P4HA1: variants seen among roughly 807,000 people sequenced by gnomAD.
P4HA1 encodes prolyl 4-hydroxylase subunit alpha 1, also known as prolyl 4-hydroxylase subunit alpha-1.
P4HA1 carries 24 observed loss-of-function variants against 72.8 expected under a neutral mutation model. The observed-to-expected ratio is 0.33, with a 90% CI of 0.24 to 0.46. The LOEUF is 0.46. P4HA1 is among the 20% of genes least tolerant of loss of function. The probability of loss-of-function intolerance (pLI) is 1.00; values close to 1 mark genes in which losing one functional copy is unlikely to be tolerated. For synonymous variants in P4HA1, 201 were observed against 218.8 expected (o/e 0.92, Z 0.72); for missense variants, 446 against 640.6 (o/e 0.70, Z 3.28).
chr10:73,010,024 A>G, intron 13 of P4HA1, 121 bp from the exon 14 acceptor site: 2 of 586,892 alleles, frequency 3.4e-6, no homozygotes, highest in Admixed American at 5.2e-5. Context: ...GCTGGAGTGC[A>G]ATGGCACGAT....
At chr10:73,027,821 GGA>G (rs1204819227) in intron 10 of P4HA1, among the ~76,000 whole-genome samples, 43 of 133,804 alleles carry the variant, frequency 3.2e-4, no homozygotes, top group Admixed American at 2.0e-3. Context: ...AGGAAGGAAG[GGA>G]GAGAGAGAGG....
rs1430452824 is a variant in P4HA1 at position 73,058,118 on chromosome 10, AAG to A, written c.464-4530_464-4529del. On this transcript the variant is annotated intron_variant, in intron 5 of 14. Coordinates refer to ENST00000394890, the MANE Select transcript of P4HA1 (RefSeq NM_001017962.3). ...AAAAAAAAAAAAAAAAAAAAAAAAA[AAG>A]GTGAATAAAGACAACATTGATAGGG... Among the ~76,000 whole-genome samples, 526 of 135,842 alleles carry A rather than the reference AAG, an allele frequency of 3.9e-3. 44 individuals are homozygous for A. The highest frequency in any genetic ancestry group is 0.017 in the African/African-American group (496 of 28,950). The allele number at this position is 135,842 out of a possible 152,430, so 89.1% of individuals were successfully genotyped here. A position where few individuals can be genotyped will look rare whatever the true frequency, so the allele number is the denominator to read the frequency against.
At chr10:73,093,166 C>T (rs962938979) in intron 1 of P4HA1, among the ~76,000 whole-genome samples, 1 of 149,882 alleles carries the variant, frequency 6.7e-6, no homozygotes, top group African/African-American at 2.5e-5. Flanking sequence ...GTACTAATTC[C>T]ACATAATATT....
At chr10:73,047,499 G>GA (rs1183615450) in intron 7 of P4HA1, among the ~76,000 whole-genome samples, 59 of 26,260 alleles carry the variant, frequency 2.2e-3, no homozygotes, top group Admixed American at 6.3e-3. Context: ...GTTTCTAGAA[G>GA]AAAAAAAAAA....
intron 1 of P4HA1, among the ~76,000 whole-genome samples, chr10:73,086,816 C>T (rs959182504): frequency 6.6e-6 from 1 of 151,656 alleles, no homozygotes; most frequent in East Asian, 1.9e-4. Flanking sequence ...GCCTGTAAAT[C>T]CCAGCTACTT....
chr10:73,060,516 T>C (rs1388777108), intron 5 of P4HA1, among the ~76,000 whole-genome samples: 1 of 152,068 alleles, frequency 6.6e-6, no homozygotes, highest in Non-Finnish European at 1.5e-5. Flanking sequence ...CAGGCTGTAG[T>C]GCACCATGAT....
rs759039103 is a variant in P4HA1 at position 73,072,039 on chromosome 10, A to C, written c.315T>G (p.Asp105Glu). ...TCTCTTCAGACTTACCATCTGACAT[A>C]TCCTTAAGGACCAGATTCTCCAACT... Reference protein sequence around the residue: ...WSELENLVLKDMSDGFISNLT... With the variant: ...WSELENLVLKEMSDGFISNLT... The change falls in exon 4 of 15, where the codon GAT becomes GAG. Residue 105 changes from aspartate (D) to glutamate (E), a missense_variant. By Grantham distance (45) the Asp-to-Glu change is conservative. Transcript: ENST00000394890. The C allele has an allele frequency of 1.2e-6, 2 of 1,611,086 alleles. No individual in the cohort carries two copies. Among genetic ancestry groups the C allele is most frequent in the Non-Finnish European group, 1.7e-6 (2 of 1,177,844 alleles).
chr10:73,014,235 A>G lies in P4HA1; in HGVS notation c.1357T>C (p.Trp453Arg), dbSNP rs1425009905. 4 of 1,610,344 alleles carry G rather than the reference A, an allele frequency of 2.5e-6. No homozygotes were observed. Among genetic ancestry groups the G allele is most frequent in the Non-Finnish European group, 3.4e-6 (4 of 1,176,766 alleles). ...ELGTGNRIAT[W>R]LFYMSDVSAG... ...TAGTGACGACTTACATAAAACAGCC[A>G]TGTAGCAATTCTATTTCCTGTCCCC... Residue 453 changes from tryptophan to arginine, a missense_variant, in exon 12 of 15, where the codon TGG (tryptophan) becomes CGG (arginine). Physicochemically the swap from Trp to Arg is moderately radical, Grantham distance 101 (BLOSUM62 -3). Transcript: ENST00000394890.
intron 10 of P4HA1, among the ~76,000 whole-genome samples, chr10:73,022,967 T>TA (rs1229448110): frequency 6.6e-6 from 1 of 151,946 alleles, no homozygotes; most frequent in Non-Finnish European, 1.5e-5. Context: ...AAGAAACAAA[T>TA]AAAGCCTCCA....
chr10:73,084,870 T>TGA (rs1841893790), intron 1 of P4HA1, among the ~76,000 whole-genome samples: 1 of 152,202 alleles, frequency 6.6e-6, no homozygotes, highest in South Asian at 2.1e-4. Context: ...TGGTGGCTCA[T>TGA]GCCACCAAGG....
At chr10:73,047,171 G>T in intron 7 of P4HA1, 70 bp from the exon 8 acceptor site, 1 of 1,079,536 alleles carries the variant, frequency 9.3e-7, no homozygotes, top group Non-Finnish European at 1.4e-6. Context: ...TTCCTATGCA[G>T]ATAAGAGACA....
At chr10:73,064,696 C>A (rs1379427411) in intron 5 of P4HA1, among the ~76,000 whole-genome samples, 1 of 151,922 alleles carries the variant, frequency 6.6e-6, no homozygotes, top group Non-Finnish European at 1.5e-5. Flanking sequence ...ACAAAATTAG[C>A]TGGACATGGT....
chr10:73,032,590 G>A (rs780932799), intron 9 of P4HA1, among the ~76,000 whole-genome samples: 2 of 152,154 alleles, frequency 1.3e-5, no homozygotes, highest in South Asian at 2.1e-4. Flanking sequence ...CCTCAAGAAC[G>A]TATTTCCTCT....
At chr10:73,032,143 TCCCTTC>T (rs879939351) in intron 9 of P4HA1, among the ~76,000 whole-genome samples, 4 of 152,184 alleles carry the variant, frequency 2.6e-5, no homozygotes, top group Non-Finnish European at 1.5e-5. Flanking sequence ...CTTCAGCCTC[TCCCTTC>T]ACTCAGTAGA....
At position 73,093,352 on chromosome 10, in the gene P4HA1, A is replaced by G. The variant is rs530483468; in HGVS notation, c.-33+3414T>C. ...AAATATACTAACAGTCATACTGATC[A>G]TCCAAAGGAAGACCAGGAAAAAGAA... On this transcript the variant is annotated intron_variant, in intron 1 of 14. Transcript: ENST00000394890. Among the ~76,000 whole-genome samples, 22 of 152,232 alleles carry G rather than the reference A, an allele frequency of 1.4e-4. No individual in the cohort carries two copies. In the South Asian group the frequency reaches 4.6e-3, roughly 32 times the overall value.
intron 3 of P4HA1, among the ~76,000 whole-genome samples, chr10:73,073,169 CAAA>C (rs753465901): frequency 3.2e-5 from 2 of 61,806 alleles, no homozygotes. Context: ...GACTCTGTCA[CAAA>C]AAAAAAAAAA....
chr10:73,057,620 A>C (rs532807733), intron 5 of P4HA1, among the ~76,000 whole-genome samples: 1 of 152,230 alleles, frequency 6.6e-6, no homozygotes, highest in African/African-American at 2.4e-5. Flanking sequence ...AATGGTAGAA[A>C]AATTTCCAAA....
At chr10:73,023,916 G>C (rs1413536567) in intron 10 of P4HA1, among the ~76,000 whole-genome samples, 2 of 152,066 alleles carry the variant, frequency 1.3e-5, no homozygotes, top group East Asian at 3.8e-4. Flanking sequence ...ATGGTATAGG[G>C]ATCAATTCAA....
chr10:73,015,726 T>C (rs1839996274), intron 11 of P4HA1, among the ~76,000 whole-genome samples: 1 of 152,200 alleles, frequency 6.6e-6, no homozygotes, highest in South Asian at 2.1e-4. Flanking sequence ...TGGAGGCACA[T>C]ACCTCCAGCC....
Sources: gnomAD v4.1 joint callset for allele counts (sites outside exome capture counted in the v4.1 genomes callset) on GRCh38, gnomAD v4.1.1 for gene constraint, MANE v1.5 for transcripts, NCBI Gene and HGNC (gene_info 2026-07-23, HGNC 2026-07-21) for gene names.